HENMT1: variants seen among roughly 807,000 people sequenced by gnomAD.
HENMT1 encodes small RNA 2'-O-methyltransferase.
HENMT1 carries 27 observed loss-of-function variants against 31.1 expected under a neutral mutation model. The observed-to-expected ratio is 0.87, with a 90% CI of 0.64 to 1.20. The LOEUF is 1.20. Among genes scored for constraint, HENMT1 ranks in the 50% most tolerant of loss-of-function variants. The probability of loss-of-function intolerance (pLI) is 0.00; values close to 1 mark genes in which losing one functional copy is unlikely to be tolerated. For missense variants in HENMT1, 438 were observed against 469.6 expected (o/e 0.93, Z 0.62); for synonymous variants, 167 against 172.2 (o/e 0.97, Z 0.24).
chr1:108,651,080 T>C lies in HENMT1; in HGVS notation c.528A>G (p.Leu176=), dbSNP rs761415135. ...ACTCAAATTTATGATCTGAATCTCT[T>C]AAGGTCACTGATGGAAACAGGGGAT... The part of the protein sequence containing the change: ...EFNPLFPSVT[L]RDSDHKFEWT... Residue 176 remains leucine (L), a synonymous_variant, in exon 6 of 8, where the codon TTA becomes TTG. Transcript: ENST00000651461. 62 of 1,613,892 alleles carry C rather than the reference T, an allele frequency of 3.8e-5. No individual in the cohort carries two copies. Among genetic ancestry groups the C allele is most frequent in the Non-Finnish European group, 5.0e-5 (59 of 1,179,896 alleles).
At chr1:108,660,039 A>G in intron 1 of HENMT1, 77 bp from the exon 2 acceptor site, 1 of 724,354 alleles carries the variant, frequency 1.4e-6, no homozygotes, top group Non-Finnish European at 2.1e-6. Context: ...GGAAGAACGA[A>G]AGCCTCTTTC....
Position 108,649,652 on chromosome 1 carries a change from T to G in HENMT1, c.756+559A>C, listed in dbSNP as rs976824805. Among the ~76,000 whole-genome samples the G allele has an allele frequency of 2.0e-5, 3 of 152,104 alleles. No homozygotes were observed. The East Asian group carries it at 5.8e-4, about 29-fold the overall frequency. On this transcript the variant is annotated intron_variant, in intron 7 of 7. Coordinates refer to ENST00000651461, the MANE Select transcript of HENMT1 (RefSeq NM_001102592.2). ...AATTTTTAAAGAGGGGGAGGAAGTG[T>G]TTCTTCTTCTTCTCTCTTTAAACCA... is the stretch of plus-strand genomic sequence containing the variant.
chr1:108,655,265 G>C (rs376241753), intron 4 of HENMT1, among the ~76,000 whole-genome samples: 10 of 152,090 alleles, frequency 6.6e-5, no homozygotes, highest in African/African-American at 2.4e-4. Flanking sequence ...TGGAGCCTTG[G>C]CCTCAGTGTT....
intron 1 of HENMT1, 37 bp from the exon 2 acceptor site, chr1:108,659,999 C>T (rs1658393952): frequency 8.4e-7 from 1 of 1,187,714 alleles, no homozygotes; most frequent in Non-Finnish European, 1.1e-6. Flanking sequence ...TAAAGCGATA[C>T]CTGAAAGAAA....
At chr1:108,656,717 G>C (rs1658255458) in intron 3 of HENMT1, among the ~76,000 whole-genome samples, 1 of 152,128 alleles carries the variant, frequency 6.6e-6, no homozygotes, top group South Asian at 2.1e-4. Context: ...ACCTGCCTCA[G>C]CCTCCCAAAG....
At chr1:108,652,383 T>A (rs1054812798) in intron 5 of HENMT1, among the ~76,000 whole-genome samples, 1 of 152,060 alleles carries the variant, frequency 6.6e-6, no homozygotes, top group African/African-American at 2.4e-5. Context: ...AGATAAAAAA[T>A]ACACGTAGAA....
In HENMT1 at chr1:108,659,516, T is replaced by C. The variant is rs1191816928; in HGVS notation, c.21+348A>G. 2.0e-5 allele frequency among the ~76,000 whole-genome samples: 3 copies of C among 152,168 alleles called. No individual in the cohort carries two copies. In the East Asian group the frequency reaches 5.8e-4, roughly 29 times the overall value. ...CAGTGGCATCTTCACCTAGAAACTT[T>C]AGAAACACAAAAGCTTGGGCCTCAC... On this transcript the variant is annotated intron_variant, in intron 2 of 7. Coordinates refer to ENST00000651461, the MANE Select transcript of HENMT1 (RefSeq NM_001102592.2).
At chr1:108,651,286 C>T (rs1460199439) in intron 5 of HENMT1, 77 bp from the exon 6 acceptor site, 5 of 1,193,438 alleles carry the variant, frequency 4.2e-6, no homozygotes, top group Non-Finnish European at 6.0e-6. Flanking sequence ...TTATCAAAAA[C>T]AATTTCCATC....
intron 2 of HENMT1, among the ~76,000 whole-genome samples, chr1:108,658,155 G>A (rs1035861798): frequency 6.1e-5 from 9 of 147,812 alleles, no homozygotes; most frequent in African/African-American, 1.5e-4. Context: ...CCCCCAAGAC[G>A]GAGTCTTGCT....
At chr1:108,653,170 C>G (rs947933883) in intron 5 of HENMT1, among the ~76,000 whole-genome samples, 3 of 151,670 alleles carry the variant, frequency 2.0e-5, no homozygotes, top group Admixed American at 6.6e-5. Flanking sequence ...CCCATTATCA[C>G]GCCCAGCTAA....
Position 108,650,294 on chromosome 1 carries a change from G to A in HENMT1, c.673C>T (p.Gln225Ter), listed in dbSNP as rs1190961708. 6.2e-7 allele frequency: 1 copy of A among 1,613,996 alleles called. No individual in the cohort carries two copies. Among genetic ancestry groups the A allele is most frequent in the Non-Finnish European group, 8.5e-7 (1 of 1,179,920 alleles). Residue 225 changes from glutamine to a stop codon, truncating the protein, a stop_gained, in exon 7 of 8, where the codon CAG becomes TAG. Transcript: ENST00000651461. LOFTEE classifies it high-confidence loss of function. The stretch of plus-strand genomic sequence containing the variant: ...CCATTTTTCCGGAAGATTCCTATCT[G>A]GGTACAGTATCCAACATTCTCAGCT... ...AGAENVGYCT[Q>*]IGIFRKNGGK... is the part of the protein sequence containing the mutation.
intron 4 of HENMT1, 38 bp downstream of exon 4, chr1:108,655,548 T>C: frequency 8.3e-7 from 1 of 1,205,362 alleles, no homozygotes. Flanking sequence ...CCATTAGTTT[T>C]AGATTAACGC....
intron 4 of HENMT1, 85 bp from the exon 5 acceptor site, chr1:108,654,935 T>C (rs572690925): frequency 7.5e-7 from 1 of 1,334,080 alleles, no homozygotes; most frequent in African/African-American, 1.5e-5. Context: ...CCTCTGATAA[T>C]TATCTTCTAC....
chr1:108,649,511 G>A, intron 7 of HENMT1: 1 of 387,342 alleles, frequency 2.6e-6, no homozygotes, highest in South Asian at 1.9e-5. Flanking sequence ...AGCTACTTAG[G>A]AGGCTCAAGT....
intron 3 of HENMT1, among the ~76,000 whole-genome samples, chr1:108,657,122 A>G (rs1007931685): frequency 2.0e-5 from 3 of 152,120 alleles, no homozygotes; most frequent in African/African-American, 4.8e-5. Flanking sequence ...TTTTTTAACC[A>G]TACTTTATTC....
chr1:108,654,956 A>G (rs758876650), intron 4 of HENMT1, 106 bp from the exon 5 acceptor site: 76 of 1,162,544 alleles, frequency 6.5e-5, no homozygotes, highest in Middle Eastern at 2.0e-4. Context: ...CTCTATTGAT[A>G]TAAGTCTGAC....
rs771530768 is a variant in HENMT1 at position 108,648,879 on chromosome 1, C to T, written c.869G>A (p.Arg290Gln). The part of the protein sequence containing the change: ...ESLRVSHLPR[R>Q]KEQAGERGDK... ...ACCCCGTTCCCCAGCCTGTTCTTTC[C>T]GCCTTGGCAGGTGGCTCACTCTTAA... is the stretch of plus-strand genomic sequence containing the variant. Residue 290 changes from arginine to glutamine, a missense_variant, in exon 8 of 8, where the codon CGG (arginine) becomes CAG (glutamine). By Grantham distance (43) the Arg-to-Gln change is conservative. Transcript: ENST00000651461. 7.4e-6 allele frequency: 12 copies of T among 1,614,052 alleles called. No homozygotes were observed. The East Asian group carries it at 8.9e-5, about 12-fold the overall frequency.
intron 3 of HENMT1, 150 bp from the exon 4 acceptor site, chr1:108,655,848 TACAC>T (rs61122468): frequency 0.26 from 60,363 of 233,328 alleles, 6,666 homozygotes; most frequent in East Asian, 0.45. Flanking sequence ...CAGAAGATGC[TACAC>T]ACACACACAC....
intron 2 of HENMT1, among the ~76,000 whole-genome samples, chr1:108,659,330 T>C (rs1160208055): frequency 6.6e-6 from 1 of 151,960 alleles, no homozygotes; most frequent in Non-Finnish European, 1.5e-5. Context: ...GGCAAGTGCA[T>C]TCCAGCCTGG....
Sources: allele counts gnomAD v4.1 joint callset (sites outside exome capture counted in the v4.1 genomes callset), GRCh38; gene constraint gnomAD v4.1.1; transcripts MANE v1.5; gene names NCBI Gene and HGNC (gene_info 2026-07-23, HGNC 2026-07-21).